Variants in MEGF11 observed in about 807,000 individuals in gnomAD.
MEGF11 encodes the protein multiple EGF like domains 11, also known as multiple epidermal growth factor-like domains protein 11.
A neutral mutation model predicts 146.6 loss-of-function variants in MEGF11; 126 were observed. The ratio of observed to expected loss-of-function variants is 0.86; its 90% CI spans 0.74 to 1.00. MEGF11 has a LOEUF of 1.00. Among genes scored for constraint, MEGF11 ranks in the 50% least tolerant of loss-of-function variants. The pLI, the probability that MEGF11 is intolerant of heterozygous loss-of-function variation, is 0.00. For missense variants in MEGF11, 1,509 were observed against 1,521.2 expected (o/e 0.99, Z 0.13); for synonymous variants, 532 against 583.4 (o/e 0.91, Z 1.27).
chr15:66,150,029 G>A (rs997600349), intron 1 of MEGF11, among the ~76,000 whole-genome samples: 1 of 152,064 alleles, frequency 6.6e-6, no homozygotes, highest in Non-Finnish European at 1.5e-5. Flanking sequence ...TAATTAAAGC[G>A]AGATGCTACA....
At chr15:66,161,543 GC>G (rs899084309) in intron 1 of MEGF11, among the ~76,000 whole-genome samples, 23 of 152,202 alleles carry the variant, frequency 1.5e-4, no homozygotes, top group African/African-American at 5.1e-4. Context: ...GTACCACCAT[GC>G]CTGGCTAAAT....
chr15:66,178,400 C>T (rs2090450235), intron 1 of MEGF11, among the ~76,000 whole-genome samples: 1 of 152,186 alleles, frequency 6.6e-6, no homozygotes, highest in Non-Finnish European at 1.5e-5. Context: ...GACATGAGGC[C>T]TCTAAATGAA....
intron 24 of MEGF11, among the ~76,000 whole-genome samples, chr15:65,899,482 A>G (rs1240238249): frequency 1.3e-5 from 2 of 152,206 alleles, no homozygotes. Context: ...AGCTGGTATT[A>G]TCGGTACGTG....
chr15:65,947,694 C>T (rs1475286018), intron 10 of MEGF11, among the ~76,000 whole-genome samples: 2 of 152,204 alleles, frequency 1.3e-5, no homozygotes, highest in South Asian at 2.1e-4. Context: ...CAGACCCAGG[C>T]CCTGGGTTCT....
At chr15:65,956,943 T>C (rs895271512) in intron 10 of MEGF11, among the ~76,000 whole-genome samples, 1 of 151,958 alleles carries the variant, frequency 6.6e-6, no homozygotes, top group Admixed American at 6.5e-5. Flanking sequence ...TTGAGGAAAG[T>C]AATATGGCAA....
chr15:66,006,923 C>A (rs757722292), intron 5 of MEGF11, among the ~76,000 whole-genome samples: 18 of 152,202 alleles, frequency 1.2e-4, no homozygotes, highest in Non-Finnish European at 2.2e-4. Context: ...GCCCACTGAT[C>A]CAATATTGCA....
rs749577488 is a variant in MEGF11 at position 65,913,718 on chromosome 15, C to T, written c.2710+19G>A. 18 of 1,588,798 alleles carry T rather than the reference C, an allele frequency of 1.1e-5. No individual in the cohort carries two copies. Among genetic ancestry groups the T allele is most frequent in the Admixed American group, 3.5e-5 (2 of 57,066 alleles). ...TGTGTGGAGGGGAAGAGGAGGGAGGCCAGGAGCATGGCCCTTACCTGAGAG... is the reference window on the plus strand; with the variant it reads ...TGTGTGGAGGGGAAGAGGAGGGAGGTCAGGAGCATGGCCCTTACCTGAGAG... On this transcript the variant is annotated intron_variant, in intron 20 of 25. Coordinates refer to ENST00000395614, the MANE Select transcript of MEGF11 (RefSeq NM_001385028.1).
At chr15:65,999,856 T>G (rs1291247738) in intron 5 of MEGF11, among the ~76,000 whole-genome samples, 2 of 152,174 alleles carry the variant, frequency 1.3e-5, no homozygotes, top group Non-Finnish European at 2.9e-5. Flanking sequence ...GGATTGACGG[T>G]AGGTCATTAT....
At chr15:65,924,581 C>T (rs572605378) in intron 13 of MEGF11, among the ~76,000 whole-genome samples, 201 of 150,160 alleles carry the variant, frequency 1.3e-3, no homozygotes, top group African/African-American at 4.7e-3. Context: ...CTTCAAGTTT[C>T]TCCTTTTCCT....
intron 5 of MEGF11, among the ~76,000 whole-genome samples, chr15:66,090,980 G>A (rs1234056981): frequency 6.6e-6 from 1 of 152,170 alleles, no homozygotes; most frequent in African/African-American, 2.4e-5. Context: ...GGGGTGGAGA[G>A]TTAACCTTTT....
chr15:65,922,846 A>G lies in MEGF11; in HGVS notation c.1799T>C (p.Phe600Ser), dbSNP rs750150393. ...ACTTCTCTGGCATAAGGGTCCTCGG[A>G]AGCCAGGGGCACACTCGCAGCTCCC... ...EDGSCECAPG[F>S]RGPLCQRICP... The change falls in exon 14 of 26, where the codon TTC becomes TCC. Residue 600 changes from phenylalanine to serine, a missense_variant. Transcript: ENST00000395614. 1 of 1,613,824 alleles carries G rather than the reference A, an allele frequency of 6.2e-7. No homozygotes were observed. The highest frequency in any genetic ancestry group is 8.5e-7 in the Non-Finnish European group (1 of 1,179,850).
At chr15:66,146,454 C>T (rs1043974004) in intron 1 of MEGF11, among the ~76,000 whole-genome samples, 1 of 137,824 alleles carries the variant, frequency 7.3e-6, no homozygotes, top group Non-Finnish European at 1.6e-5. Flanking sequence ...TGGAGATAAA[C>T]CAAAGGCCAC....
rs369429142 is a variant in MEGF11, at chr15:66,155,242, A to G, written c.-8-26831T>C. ...GCAGTAATCAGGTGGGTTGGGAGAC[A>G]CACATGGTGATGCCCCCCACCCCCC... On this transcript the variant is annotated intron_variant, in intron 1 of 25. Transcript: ENST00000395614. Among the ~76,000 whole-genome samples the G allele has an allele frequency of 3.7e-4, 54 of 145,572 alleles. 2 individuals are homozygous for G. The South Asian group carries it at 0.011, about 30-fold the overall frequency.
intron 1 of MEGF11, among the ~76,000 whole-genome samples, chr15:66,149,399 A>C (rs1448282635): frequency 1.3e-5 from 2 of 152,216 alleles, no homozygotes; most frequent in Non-Finnish European, 2.9e-5. Flanking sequence ...AACAGAACCT[A>C]CTTCAAGGGG....
chr15:65,922,440 C>T lies in MEGF11; in HGVS notation c.1855G>A (p.Ala619Thr), dbSNP rs747837275. The T allele has an allele frequency of 2.3e-5, 37 of 1,582,642 alleles. No individual in the cohort carries two copies. Among genetic ancestry groups the T allele is most frequent in the East Asian group, 9.3e-5 (4 of 43,234 alleles). ...CPPGFYGHGC[A>T]QPCPLCVHSS... ...TGCACGCAGAGGGGGCATGGCTGGG[C>T]GCAGCCGTGGCCATAGAACCCAGGG... The change falls in exon 15 of 26, where the codon GCC (alanine) becomes ACC (threonine). Residue 619 changes from alanine (A) to threonine (T), a missense_variant. Ala to Thr is a moderately conservative substitution (Grantham distance 58). Transcript: ENST00000395614.
At chr15:65,914,355 C>T (rs2078921341) in intron 19 of MEGF11, among the ~76,000 whole-genome samples, 4 of 152,154 alleles carry the variant, frequency 2.6e-5, no homozygotes, top group Admixed American at 2.6e-4. Flanking sequence ...GATTACATAA[C>T]CTATAATTGG....
chr15:66,118,450 C>T (rs1051426293), intron 4 of MEGF11, among the ~76,000 whole-genome samples: 1 of 152,190 alleles, frequency 6.6e-6, no homozygotes, highest in African/African-American at 2.4e-5. Flanking sequence ...ACACTAAGGC[C>T]TGCATTTTCT....
chr15:65,938,335 G>A (rs1179460176), intron 10 of MEGF11, among the ~76,000 whole-genome samples: 2 of 152,218 alleles, frequency 1.3e-5, no homozygotes, highest in Admixed American at 6.5e-5. Flanking sequence ...TGGGTCACAG[G>A]ATGCTAACAG....
Position 65,982,621 on chromosome 15 carries a change from CTGGAAG to C in MEGF11, c.395-139_395-134del. 8.9e-7 allele frequency: 1 copy of C among 1,126,182 alleles called. No homozygotes were observed. Among genetic ancestry groups the C allele is most frequent in the Non-Finnish European group, 1.2e-6 (1 of 840,486 alleles). The allele number at this position is 1,126,182 out of a possible 1,614,324, so 69.8% of individuals were successfully genotyped here. A position where few individuals can be genotyped will look rare whatever the true frequency, so the allele number is the denominator to read the frequency against. On this transcript the variant is annotated intron_variant, in intron 5 of 25. Coordinates refer to ENST00000395614, the MANE Select transcript of MEGF11 (RefSeq NM_001385028.1). This position sits in a 1 kb window ranked among gnomAD's most constrained non-coding sequence, Gnocchi z 5.6. ...CCGGACAGGTGGCAGCAAGGGGTGC[CTGGAAG>C]CTTTGGTGCCTCATAACCTGCATCA...
Sources: gnomAD v4.1 joint callset for allele counts (sites outside exome capture counted in the v4.1 genomes callset) on GRCh38, gnomAD v4.1.1 for gene constraint, Gnocchi (gnomAD v3.1) non-coding constraint, MANE v1.5 for transcripts, NCBI Gene and HGNC (gene_info 2026-07-23, HGNC 2026-07-21) for gene names.